The following SEMA4D variants were observed in gnomAD, a reference collection of about 807,000 sequenced individuals.
SEMA4D encodes the protein semaphorin-4D.
Under a neutral mutation model 74.8 loss-of-function variants are expected in SEMA4D, and 22 were observed. The observed-to-expected ratio is 0.29, with a 90% CI of 0.21 to 0.42. The LOEUF (loss-of-function observed/expected upper bound fraction) is 0.42. Ranked by LOEUF, SEMA4D falls within the 10% of genes least tolerant of loss-of-function variation. SEMA4D has a pLI of 1.00. For missense variants in SEMA4D, 937 were observed against 1,118.4 expected (o/e 0.84, Z 2.31); for synonymous variants, 445 against 463.7 (o/e 0.96, Z 0.52).
At chr9:89,461,700 C>CTCTTTTTTTTTT (rs71281350) in intron 1 of SEMA4D, among the ~76,000 whole-genome samples, 2,218 of 103,270 alleles carry the variant, frequency 0.021, 115 homozygotes, top group Non-Finnish European at 0.028. Flanking sequence ...TCTTTTTTCT[C>CTCTTTTTTTTTT]TTTTTTTTTT....
chr9:89,361,231 G>A (rs1832735886), exon 19 of SEMA4D: 1 of 152,226 alleles, frequency 6.6e-6, no homozygotes, highest in African/African-American at 2.4e-5. Flanking sequence ...AGCATCTTCA[G>A]GACACCTGTT....
rs756588089 is a variant in SEMA4D, at chr9:89,455,895, T to C, written c.-251A>G. The C allele has an allele frequency of 6.6e-6, 1 of 152,200 alleles. No individual in the cohort carries two copies. The highest frequency in any genetic ancestry group is 1.5e-5 in the Non-Finnish European group (1 of 68,026). 9.4% of individuals were successfully genotyped at this position (152,200 alleles called of 1,614,324 possible). The stretch of plus-strand genomic sequence containing the variant: ...CGAGACGCCGACACTTACCAAACCA[T>C]CAGTGTCGTCAAACATTTCAGCACA... On this transcript the variant is annotated 5_prime_UTR_variant, in exon 2 of 16. The change abolishes an upstream ATG in the 5' untranslated region. Transcript: ENST00000422704.
intron 2 of SEMA4D, chr9:89,450,416 G>T (rs1457912778): frequency 1.5e-6 from 2 of 1,311,544 alleles, no homozygotes; most frequent in East Asian, 4.6e-5. Flanking sequence ...GTGAAGATGA[G>T]AAGAAGGCTT....
Position 89,382,659 on chromosome 9 carries a change from T to C in SEMA4D, c.1447-1313A>G, listed in dbSNP as rs569946267. On this transcript the variant is annotated intron_variant, in intron 13 of 15. Transcript: ENST00000422704. ...TTTGTGGGAAGGATTGAGGATGACA[T>C]CCCAGATCACAGTTCGGGCATCGCG... Among the ~76,000 whole-genome samples, 13 of 152,298 alleles carry C rather than the reference T, an allele frequency of 8.5e-5. No individual in the cohort carries two copies. In the South Asian group the frequency reaches 2.7e-3, roughly 32 times the overall value.
chr9:89,375,599 C>T (rs966671570), downstream of SEMA4D, among the ~76,000 whole-genome samples: 2 of 152,196 alleles, frequency 1.3e-5, no homozygotes, highest in African/African-American at 2.4e-5. Context: ...TTTGCTTTTC[C>T]TCTTCATTAA....
Position 89,391,302 on chromosome 9 carries a change from A to G in SEMA4D, c.736T>C (p.Phe246Leu). ...TEVSVEYEFV[F>L]RVLIPRIARV... ...GCTATCCGTGGGATCAGCACCCTGAACACAAACTCATACTCCACAGACACC... is the reference window on the plus strand; with the variant it reads ...GCTATCCGTGGGATCAGCACCCTGAGCACAAACTCATACTCCACAGACACC... The change falls in exon 9 of 16, where the codon TTC becomes CTC. Residue 246 changes from phenylalanine (F) to leucine (L), a missense_variant. Phe to Leu is a conservative substitution (Grantham distance 22). Transcript: ENST00000422704. 6.2e-7 allele frequency: 1 copy of G among 1,614,242 alleles called. No individual in the cohort carries two copies. Among genetic ancestry groups the G allele is most frequent in the South Asian group, 1.1e-5 (1 of 91,088 alleles).
intron 1 of SEMA4D, among the ~76,000 whole-genome samples, chr9:89,481,709 C>T (rs750485715): frequency 3.9e-5 from 6 of 152,198 alleles, no homozygotes; most frequent in South Asian, 2.1e-4. Context: ...GTGACACGCA[C>T]GAGGATGTGC....
Position 89,388,905 on chromosome 9 carries a change from A to C in SEMA4D, c.917T>G (p.Val306Gly), listed in dbSNP as rs544629286. Reference sequence around the variant, plus strand: ...GGTGAAGAGTGCATAGAACACAGGCACCTTCAGGCCCGGGGACCTGAGCAC... The same window carrying C: ...GGTGAAGAGTGCATAGAACACAGGCCCCTTCAGGCCCGGGGACCTGAGCAC... The part of the protein sequence containing the change: ...VFVLRSPGLK[V>G]PVFYALFTPQ... Residue 306 changes from valine (V) to glycine (G), a missense_variant, in exon 10 of 16, where the codon GTG becomes GGG. Val to Gly is a moderately radical substitution (Grantham distance 109, BLOSUM62 -3). Coordinates refer to ENST00000422704, the MANE Select transcript of SEMA4D (RefSeq NM_001371194.2). 6 of 1,613,912 alleles carry C rather than the reference A, an allele frequency of 3.7e-6. No homozygotes were observed. The highest frequency in any genetic ancestry group is 5.1e-6 in the Non-Finnish European group (6 of 1,179,996).
chr9:89,484,300 G>C lies in SEMA4D; in HGVS notation c.-310+13619C>G, dbSNP rs1824970030. 6.6e-6 allele frequency among the ~76,000 whole-genome samples: 1 copy of C among 152,240 alleles called. No individual in the cohort carries two copies. Among genetic ancestry groups the C allele is most frequent in the Non-Finnish European group, 1.5e-5 (1 of 68,042 alleles). On this transcript the variant is annotated intron_variant, in intron 1 of 15. Coordinates refer to ENST00000422704, the MANE Select transcript of SEMA4D (RefSeq NM_001371194.2). This position sits in a 1 kb window ranked among gnomAD's most constrained non-coding sequence, Gnocchi z 4.1. ...AACAAGGCACGCATGACCAGTCTAGGAAAAGTGTGCAAAGCTCTCAAGACT... is the reference window on the plus strand; with the variant it reads ...AACAAGGCACGCATGACCAGTCTAGCAAAAGTGTGCAAAGCTCTCAAGACT...
chr9:89,362,101 GCAGC>G, exon 19 of SEMA4D: 1 of 556,766 alleles, frequency 1.8e-6, no homozygotes, highest in Non-Finnish European at 3.2e-6. Context: ...TAGTTCACGA[GCAGC>G]TATCAAAGCC....
chr9:89,451,024 T>C (rs1302475812), intron 2 of SEMA4D, among the ~76,000 whole-genome samples: 8 of 152,184 alleles, frequency 5.3e-5, no homozygotes, highest in Non-Finnish European at 8.8e-5. Context: ...TTCATTGTCT[T>C]CAAGCCCCTC....
intron 1 of SEMA4D, among the ~76,000 whole-genome samples, chr9:89,463,764 T>C (rs1210454749): frequency 2.6e-5 from 4 of 151,942 alleles, no homozygotes; most frequent in Non-Finnish European, 4.4e-5. Context: ...TGAAACCCCA[T>C]CTCTACTAAA....
intron 1 of SEMA4D, among the ~76,000 whole-genome samples, chr9:89,463,422 A>AGG (rs1857823415): frequency 6.6e-6 from 1 of 152,196 alleles, no homozygotes. Context: ...CTTCGTAGAC[A>AGG]GGGGTCCATT....
chr9:89,485,777 AAACT>A (rs1258406997), intron 1 of SEMA4D, among the ~76,000 whole-genome samples: 2 of 143,626 alleles, frequency 1.4e-5, no homozygotes, highest in Non-Finnish European at 3.0e-5. Flanking sequence ...AACAAGAGCA[AAACT>A]CCATCTCAAA....
At chr9:89,389,996 TG>T (rs911282241) in intron 9 of SEMA4D, among the ~76,000 whole-genome samples, 2 of 151,652 alleles carry the variant, frequency 1.3e-5, no homozygotes, top group African/African-American at 4.8e-5. Context: ...CAAACAAGTA[TG>T]GGGAAAAAAA....
intron 1 of SEMA4D, among the ~76,000 whole-genome samples, chr9:89,478,378 A>G (rs1296818932): frequency 2.0e-5 from 3 of 152,278 alleles, no homozygotes; most frequent in East Asian, 3.9e-4. Context: ...GCCAAGGGAC[A>G]CTGGGGCCAC....
rs566746111 is a variant in SEMA4D, at chr9:89,406,210, T to C, written c.-243-511A>G. ...CACACACAACATATGCGCACACATATGTACACACACACATGCACGGATGTA... is the reference window on the plus strand; with the variant it reads ...CACACACAACATATGCGCACACATACGTACACACACACATGCACGGATGTA... On this transcript the variant is annotated intron_variant, in intron 2 of 15. Transcript: ENST00000422704. 1.1e-4 allele frequency among the ~76,000 whole-genome samples: 16 copies of C among 152,240 alleles called. No individual in the cohort carries two copies. The South Asian group carries it at 3.1e-3, about 30-fold the overall frequency.
intron 9 of SEMA4D, 30 bp from the exon 10 acceptor site, chr9:89,389,077 C>T (rs1839221370): frequency 6.2e-7 from 1 of 1,612,058 alleles, no homozygotes; most frequent in Non-Finnish European, 8.5e-7. Flanking sequence ...ACGTGGTGGG[C>T]CGAGAGTGGA....
downstream of SEMA4D, among the ~76,000 whole-genome samples, chr9:89,375,297 C>T (rs553315528): frequency 9.8e-5 from 15 of 152,294 alleles, no homozygotes; most frequent in African/African-American, 3.1e-4. Flanking sequence ...GGCCGAGGAG[C>T]ACCATTCAGC....
Sources: allele counts gnomAD v4.1 joint callset (sites outside exome capture counted in the v4.1 genomes callset), GRCh38; gene constraint gnomAD v4.1.1; non-coding constraint Gnocchi (gnomAD v3.1); transcripts MANE v1.5; gene names NCBI Gene and HGNC (gene_info 2026-07-23, HGNC 2026-07-21).